The following ARHGAP31 variants were observed in gnomAD, a reference collection of about 807,000 sequenced individuals.
The protein encoded by ARHGAP31 is rho GTPase-activating protein 31.
Under a neutral mutation model 113.9 loss-of-function variants are expected in ARHGAP31, and 34 were observed. The ratio of observed to expected loss-of-function variants is 0.30; its 90% CI spans 0.23 to 0.40. The LOEUF is 0.40. Among genes scored for constraint, ARHGAP31 ranks in the 10% least tolerant of loss-of-function variants. The pLI is 1.00. For synonymous variants in ARHGAP31, 650 were observed against 684.8 expected, an observed-to-expected ratio of 0.95 and a Z score of 0.79; for missense variants, 1,548 against 1,767.1, an observed-to-expected ratio of 0.88 and a Z score of 2.22.
intron 9 of ARHGAP31, among the ~76,000 whole-genome samples, chr3:119,401,451 T>C (rs2080606362): frequency 6.6e-6 from 1 of 152,212 alleles, no homozygotes; most frequent in Non-Finnish European, 1.5e-5. Context: ...GCAAACATCA[T>C]CCTACCGCCT....
intron 2 of ARHGAP31, among the ~76,000 whole-genome samples, chr3:119,366,998 A>G (rs2080257063): frequency 2.0e-5 from 3 of 151,934 alleles, no homozygotes; most frequent in Non-Finnish European, 2.9e-5. Flanking sequence ...ACTACTCGGG[A>G]GGCTGAGGCA....
chr3:119,361,808 TC>T (rs1229536995), intron 1 of ARHGAP31, among the ~76,000 whole-genome samples: 1 of 152,180 alleles, frequency 6.6e-6, no homozygotes. Flanking sequence ...AGAGATTGAG[TC>T]CTTTCCCATT....
intron 1 of ARHGAP31, among the ~76,000 whole-genome samples, chr3:119,364,378 A>G (rs555498511): frequency 6.6e-6 from 1 of 152,292 alleles, no homozygotes. Context: ...TTTACAATGT[A>G]TATTCAATTT....
At position 119,415,842 on chromosome 3, in the gene ARHGAP31, G is replaced by C. The variant is rs189473381; in HGVS notation, c.3913G>C (p.Val1305Leu). ...CCTGCTCTCCACCCAGGATGCAGTA[G>C]TGCAATGCAGAAAGCGCATGTCAGA... ...SNLLSTQDAV[V>L]QCRKRMSETE... The change falls in exon 12 of 12, where the codon GTG becomes CTG. Residue 1305 changes from valine to leucine, a missense_variant. By Grantham distance (32) the Val-to-Leu change is conservative. Coordinates refer to ENST00000264245, the MANE Select transcript of ARHGAP31 (RefSeq NM_020754.4). 8 of 1,614,236 alleles carry C rather than the reference G, an allele frequency of 5.0e-6. No individual in the cohort carries two copies. Among genetic ancestry groups the C allele is most frequent in the Admixed American group, 3.3e-5 (2 of 60,026 alleles).
At chr3:119,330,389 T>C (rs2107606775) in intron 1 of ARHGAP31, among the ~76,000 whole-genome samples, 1 of 152,262 alleles carries the variant, frequency 6.6e-6, no homozygotes, top group South Asian at 2.1e-4. Context: ...GATAATCCCA[T>C]GACCCGATGG....
intron 6 of ARHGAP31, 72 bp from the exon 7 acceptor site, chr3:119,390,713 G>A: frequency 1.3e-6 from 2 of 1,500,514 alleles, no homozygotes; most frequent in Non-Finnish European, 1.8e-6. Context: ...TGGAGGGACT[G>A]TGGATGGGGA....
chr3:119,409,896 G>A, intron 11 of ARHGAP31, 120 bp downstream of exon 11: 2 of 1,082,970 alleles, frequency 1.8e-6, no homozygotes, highest in South Asian at 3.4e-5. Flanking sequence ...TCTGCCAAAG[G>A]GACTTTAAGA....
chr3:119,327,532 G>A (rs970434926), intron 1 of ARHGAP31, among the ~76,000 whole-genome samples: 1 of 152,154 alleles, frequency 6.6e-6, no homozygotes, highest in South Asian at 2.1e-4. Flanking sequence ...GCAACACAGC[G>A]AGACAATGTC....
intron 1 of ARHGAP31, among the ~76,000 whole-genome samples, chr3:119,310,262 T>C (rs2107597078): frequency 6.6e-6 from 1 of 152,342 alleles, no homozygotes; most frequent in East Asian, 1.9e-4. Flanking sequence ...GGACTTGGCC[T>C]GGAAAAGCTT....
intron 1 of ARHGAP31, among the ~76,000 whole-genome samples, chr3:119,297,776 A>C (rs532814607): frequency 1.3e-5 from 2 of 152,294 alleles, no homozygotes; most frequent in African/African-American, 4.8e-5. Flanking sequence ...TGCTACTTTC[A>C]GCTGGACAAA....
chr3:119,379,768 A>G (rs902298701), intron 3 of ARHGAP31, among the ~76,000 whole-genome samples: 78 of 152,276 alleles, frequency 5.1e-4, no homozygotes, highest in African/African-American at 1.5e-3. Context: ...CATATGAAAA[A>G]AACTCATGGA....
intron 1 of ARHGAP31, among the ~76,000 whole-genome samples, chr3:119,337,544 C>T (rs535831755): frequency 6.6e-6 from 1 of 152,162 alleles, no homozygotes; most frequent in Non-Finnish European, 1.5e-5. Flanking sequence ...CAGTGGCCTG[C>T]TTTTATTCCC....
In ARHGAP31 at chr3:119,295,011, TGC is replaced by T. The variant is rs778427714; in HGVS notation, c.100+8_100+9del. ...GAAAGCTCGGGACAGGATGGTAATGTGCCTTGGCCTTTCTCCCCCGCCCCCAC... is the reference window on the plus strand; with the variant it reads ...GAAAGCTCGGGACAGGATGGTAATGTCTTGGCCTTTCTCCCCCGCCCCCAC... On this transcript the variant is annotated splice_region_variant and intron_variant, in intron 1 of 11. Coordinates refer to ENST00000264245, the MANE Select transcript of ARHGAP31 (RefSeq NM_020754.4). 26 of 1,613,834 alleles carry T rather than the reference TGC, an allele frequency of 1.6e-5. No homozygotes were observed. In the African/African-American group the frequency reaches 3.3e-4, roughly 21 times the overall value.
intron 1 of ARHGAP31, among the ~76,000 whole-genome samples, chr3:119,342,507 C>G (rs1292080843): frequency 2.0e-5 from 3 of 152,178 alleles, no homozygotes; most frequent in Admixed American, 2.0e-4. Context: ...ATTTGAGAAT[C>G]CCACAAGGAT....
chr3:119,392,607 G>A (rs2080514486), intron 7 of ARHGAP31, among the ~76,000 whole-genome samples: 1 of 152,210 alleles, frequency 6.6e-6, no homozygotes. Flanking sequence ...GCAGGGCAAG[G>A]CCTCCATGGT....
At chr3:119,341,257 G>A (rs774594826) in intron 1 of ARHGAP31, among the ~76,000 whole-genome samples, 2 of 152,140 alleles carry the variant, frequency 1.3e-5, no homozygotes, top group Non-Finnish European at 2.9e-5. Flanking sequence ...AGGAGAGGGT[G>A]CATCCAACTG....
chr3:119,311,796 G>A (rs917292367), intron 1 of ARHGAP31, among the ~76,000 whole-genome samples: 8 of 152,216 alleles, frequency 5.3e-5, no homozygotes, highest in Admixed American at 3.3e-4. Context: ...CCCATATGAT[G>A]GACGTATCTT....
At chr3:119,364,381 T>A (rs1398327518) in intron 1 of ARHGAP31, among the ~76,000 whole-genome samples, 1 of 152,244 alleles carries the variant, frequency 6.6e-6, no homozygotes, top group Non-Finnish European at 1.5e-5. Context: ...ACAATGTATA[T>A]TCAATTTGTT....
rs969618457 is a variant in ARHGAP31, at chr3:119,380,931, G to A, written c.376G>A (p.Gly126Ser). Residue 126 changes from glycine to serine, a missense_variant, in exon 4 of 12, where the codon GGC becomes AGC. Physicochemically the swap from Gly to Ser is moderately conservative, Grantham distance 56. Coordinates refer to ENST00000264245, the MANE Select transcript of ARHGAP31 (RefSeq NM_020754.4). ...GGCAGTGTCGCATTGCCCTGAAGAA[G>A]GCCAACTGGCCCGAATCCAAAATGT... Reference protein sequence around the residue: ...TEAVSHCPEEGQLARIQNVIQ... With the variant: ...TEAVSHCPEESQLARIQNVIQ... 1.2e-6 allele frequency: 2 copies of A among 1,614,134 alleles called. No homozygotes were observed. Among genetic ancestry groups the A allele is most frequent in the African/African-American group, 1.3e-5 (1 of 75,022 alleles).
Sources: gnomAD v4.1 joint callset for allele counts (sites outside exome capture counted in the v4.1 genomes callset) on GRCh38, gnomAD v4.1.1 for gene constraint, MANE v1.5 for transcripts, NCBI Gene and HGNC (gene_info 2026-07-23, HGNC 2026-07-21) for gene names.